LIPI: variants seen among roughly 807,000 people sequenced by gnomAD.
The protein encoded by LIPI is lipase member I.
In LIPI, 59 loss-of-function variants were observed where a neutral mutation model predicts 50.6. That is an observed-to-expected ratio of 1.16 (90% CI 0.94 to 1.45). The LOEUF (loss-of-function observed/expected upper bound fraction) is 1.45, where lower values mean the gene tolerates loss of function less well. LIPI is among the 40% of genes most tolerant of loss of function. The pLI, the probability that LIPI is intolerant of heterozygous loss-of-function variation, is 0.00. For missense variants in LIPI, 586 were observed against 536.3 expected, an observed-to-expected ratio of 1.09 and a Z score of -0.92; for synonymous variants, 203 against 178.2, an observed-to-expected ratio of 1.14 and a Z score of -1.11.
chr21:14,184,540 A>G (rs962870862), intron 3 of LIPI, among the ~76,000 whole-genome samples: 1 of 152,124 alleles, frequency 6.6e-6, no homozygotes, highest in Non-Finnish European at 1.5e-5. Context: ...AGTAAAATAT[A>G]ATGTTTTTCA....
At chr21:14,154,915 CATA>C (rs756050503) in intron 7 of LIPI, among the ~76,000 whole-genome samples, 2 of 151,842 alleles carry the variant, frequency 1.3e-5, no homozygotes, top group Non-Finnish European at 2.9e-5. Context: ...AAAAATTGCC[CATA>C]ATACCAAGAA....
rs371978232 is a variant in LIPI at position 14,126,361 on chromosome 21, T to G, written c.1296-17281A>C. Among the ~76,000 whole-genome samples, 5 of 152,340 alleles carry G rather than the reference T, an allele frequency of 3.3e-5. No homozygotes were observed. The East Asian group carries it at 5.8e-4, about 18-fold the overall frequency. On this transcript the variant is annotated intron_variant, in intron 9 of 9. Coordinates refer to ENST00000681601, the MANE Select transcript of LIPI (RefSeq NM_001302998.2). ...GCATATCTATACAATAGAATACTATTCATAATAACATGCCATTGACATAAG... is the reference window on the plus strand; with the variant it reads ...GCATATCTATACAATAGAATACTATGCATAATAACATGCCATTGACATAAG...
At chr21:14,124,460 G>A (rs2016980033) in intron 9 of LIPI, among the ~76,000 whole-genome samples, 1 of 151,982 alleles carries the variant, frequency 6.6e-6, no homozygotes, top group South Asian at 2.1e-4. Context: ...TTCCTTCTGT[G>A]CTCAGCGAGC....
chr21:14,109,046 C>CT lies in LIPI; in HGVS notation c.1329dup (p.Asp444ArgfsTer8). On this transcript the variant is annotated frameshift_variant, in exon 10 of 10. Coordinates refer to ENST00000681601, the MANE Select transcript of LIPI (RefSeq NM_001302998.2). LOFTEE classifies it high-confidence loss of function. The stretch of plus-strand genomic sequence containing the variant: ...GGATTAAGAAACACTTCCTCTCTGT[C>CT]TTTAAGTACAATATTATACCTGCAA... 1.9e-6 allele frequency: 3 copies of CT among 1,597,090 alleles called. No individual in the cohort carries two copies. Among genetic ancestry groups the CT allele is most frequent in the Non-Finnish European group, 2.6e-6 (3 of 1,165,070 alleles).
intron 9 of LIPI, among the ~76,000 whole-genome samples, chr21:14,113,871 C>T (rs1444905720): frequency 1.3e-5 from 2 of 152,114 alleles, no homozygotes; most frequent in Admixed American, 6.6e-5. Context: ...GAGTGCCCAG[C>T]GAAGGGGAAG....
chr21:14,161,633 A>ATATAATATATACATTATTATATATTAATG (rs1568858323), intron 7 of LIPI, among the ~76,000 whole-genome samples: 10 of 100,572 alleles, frequency 9.9e-5, no homozygotes, highest in South Asian at 8.1e-4. Flanking sequence ...ATATATTAAT[A>ATATAATATATACATTATTATATATTAATG]TATAATATAT....
chr21:14,166,724 G>A (rs935770734), intron 4 of LIPI, among the ~76,000 whole-genome samples: 1 of 152,170 alleles, frequency 6.6e-6, no homozygotes, highest in Non-Finnish European at 1.5e-5. Flanking sequence ...GAAATAGAGA[G>A]GGCAGCCAAG....
chr21:14,170,660 A>C (rs141629963), intron 4 of LIPI, among the ~76,000 whole-genome samples: 252 of 152,336 alleles, frequency 1.7e-3, no homozygotes, highest in African/African-American at 5.9e-3. Flanking sequence ...GACAAAATTC[A>C]ACAACCCTTC....
intron 7 of LIPI, among the ~76,000 whole-genome samples, chr21:14,158,871 C>G (rs9979794): frequency 1.3e-5 from 2 of 150,802 alleles, no homozygotes; most frequent in African/African-American, 4.9e-5. Context: ...CTACTGTTCA[C>G]AATTCAACAC....
At chr21:14,134,541 A>G (rs774269155) in intron 9 of LIPI, among the ~76,000 whole-genome samples, 1 of 152,224 alleles carries the variant, frequency 6.6e-6, no homozygotes, top group Non-Finnish European at 1.5e-5. Flanking sequence ...ACTTCAAATT[A>G]TACTACAAGG....
At chr21:14,114,102 C>A (rs747717957) in intron 9 of LIPI, among the ~76,000 whole-genome samples, 1 of 151,410 alleles carries the variant, frequency 6.6e-6, no homozygotes, top group African/African-American at 2.4e-5. Flanking sequence ...CACTTCAACC[C>A]GGGAGGCAGA....
intron 1 of LIPI, among the ~76,000 whole-genome samples, chr21:14,209,002 G>T (rs1600946055): frequency 6.6e-6 from 1 of 152,146 alleles, no homozygotes; most frequent in East Asian, 1.9e-4. Flanking sequence ...AGTGAGCCAT[G>T]AACTTCACAC....
chr21:14,117,461 C>T (rs895762705), intron 9 of LIPI, among the ~76,000 whole-genome samples: 1 of 152,232 alleles, frequency 6.6e-6, no homozygotes, highest in Admixed American at 6.5e-5. Flanking sequence ...GCACAACAGA[C>T]TTTACCAATA....
At chr21:14,129,155 G>T (rs942847850) in intron 9 of LIPI, among the ~76,000 whole-genome samples, 1 of 152,022 alleles carries the variant, frequency 6.6e-6, no homozygotes, top group Non-Finnish European at 1.5e-5. Context: ...TGTATTTATA[G>T]ATAAGAGAAG....
intron 1 of LIPI, among the ~76,000 whole-genome samples, chr21:14,205,427 C>T (rs2020197491): frequency 6.6e-6 from 1 of 151,850 alleles, no homozygotes; most frequent in African/African-American, 2.4e-5. Flanking sequence ...AAACCATACA[C>T]ATGAACCATA....
Position 14,109,681 on chromosome 21 carries a change from A to G in LIPI, c.1296-601T>C, listed in dbSNP as rs1447112757. 3.9e-5 allele frequency among the ~76,000 whole-genome samples: 6 copies of G among 152,076 alleles called. No homozygotes were observed. The South Asian group carries it at 6.2e-4, about 16-fold the overall frequency. ...ACTAAAAGCTCATGACCTTAGTAGCATAGCATTGAATTATCTTCTATTAGT... is the reference window on the plus strand; with the variant it reads ...ACTAAAAGCTCATGACCTTAGTAGCGTAGCATTGAATTATCTTCTATTAGT... On this transcript the variant is annotated intron_variant, in intron 9 of 9. Transcript: ENST00000681601.
intron 8 of LIPI, among the ~76,000 whole-genome samples, chr21:14,150,645 G>GTGTGAA (rs2018056693): frequency 6.6e-6 from 1 of 152,172 alleles, no homozygotes; most frequent in Admixed American, 6.6e-5. Context: ...AATAGATCAT[G>GTGTGAA]TGTGAATGTG....
intron 4 of LIPI, among the ~76,000 whole-genome samples, chr21:14,173,073 G>A (rs868638840): frequency 2.6e-5 from 4 of 152,142 alleles, no homozygotes; most frequent in South Asian, 2.1e-4. Context: ...ATTTGGTTTA[G>A]GAATTTGCCA....
intron 4 of LIPI, among the ~76,000 whole-genome samples, chr21:14,166,820 G>A (rs1457029384): frequency 1.3e-5 from 2 of 152,214 alleles, no homozygotes; most frequent in South Asian, 2.1e-4. Context: ...TTCCATCTGA[G>A]GTACCGGGTT....
Sources: allele counts gnomAD v4.1 joint callset (sites outside exome capture counted in the v4.1 genomes callset), GRCh38; gene constraint gnomAD v4.1.1; transcripts MANE v1.5; gene names NCBI Gene and HGNC (gene_info 2026-07-23, HGNC 2026-07-21).